NIBAN1: variants seen among roughly 807,000 people sequenced by gnomAD.
The protein encoded by NIBAN1 is niban apoptosis regulator 1.
A neutral mutation model predicts 75.1 loss-of-function variants in NIBAN1; 81 were observed. The ratio of observed to expected loss-of-function variants is 1.08; its 90% confidence interval spans 0.90 to 1.30. NIBAN1 has a LOEUF of 1.30. NIBAN1 is among the 50% of genes most tolerant of loss of function. The pLI is 0.00. For missense variants in NIBAN1, 1,133 were observed against 1,128.1 expected, an observed-to-expected ratio of 1.00 and a Z score of -0.06; for synonymous variants, 436 against 424.8, an observed-to-expected ratio of 1.03 and a Z score of -0.32.
intron 2 of NIBAN1, among the ~76,000 whole-genome samples, chr1:184,898,093 T>G (rs1031734704): frequency 6.6e-6 from 1 of 152,206 alleles, no homozygotes; most frequent in Non-Finnish European, 1.5e-5. Context: ...CAGGTTGACA[T>G]GATGTGCTCC....
chr1:184,860,271 C>T (rs1208822392), intron 5 of NIBAN1, among the ~76,000 whole-genome samples: 1 of 36,728 alleles, frequency 2.7e-5, no homozygotes, highest in Admixed American at 4.1e-4. Context: ...AGCACTGCGG[C>T]GGGGGCGGGG....
intron 1 of NIBAN1, among the ~76,000 whole-genome samples, chr1:184,951,404 A>G (rs2174724): frequency 0.51 from 77,177 of 151,960 alleles, 20,515 homozygotes; most frequent in Non-Finnish European, 0.59. Context: ...CCAAAAGTGA[A>G]CTCTTCATTT....
Position 184,884,215 on chromosome 1 carries a change from C to CTTT in NIBAN1, c.601+415_601+417dup, listed in dbSNP as rs11334000. ...TCCCTGGGCAGCACCATCTGTGGCT[C>CTTT]TTTTTTTTTTTTTTTTTTTTTTTTT... On this transcript the variant is annotated intron_variant, in intron 5 of 13. Transcript: ENST00000367511. Among the ~76,000 whole-genome samples, 12 of 66,802 alleles carry CTTT rather than the reference C, an allele frequency of 1.8e-4. 1 individual carries two copies. Among genetic ancestry groups the CTTT allele is most frequent in the Non-Finnish European group, 2.8e-4 (11 of 38,810 alleles). The allele number at this position is 66,802 out of a possible 152,430, so 43.8% of individuals were successfully genotyped here.
intron 2 of NIBAN1, among the ~76,000 whole-genome samples, chr1:184,896,148 A>C (rs928743255): frequency 1.3e-5 from 2 of 152,180 alleles, no homozygotes; most frequent in African/African-American, 4.8e-5. Flanking sequence ...TATTTTCCGT[A>C]GGGGTTGAAC....
intron 5 of NIBAN1, among the ~76,000 whole-genome samples, chr1:184,835,751 A>G (rs1571505070): frequency 6.6e-6 from 1 of 152,182 alleles, no homozygotes; most frequent in Admixed American, 6.5e-5. Context: ...GGGCTGAGAC[A>G]ATGGGGTTTT....
At chr1:184,954,595 AAG>A (rs917336202) in intron 1 of NIBAN1, among the ~76,000 whole-genome samples, 8 of 152,142 alleles carry the variant, frequency 5.3e-5, no homozygotes, top group Non-Finnish European at 1.0e-4. Context: ...AATTATACTT[AAG>A]TTTTAAGTCT....
At chr1:184,934,341 C>A (rs927423802) in intron 1 of NIBAN1, among the ~76,000 whole-genome samples, 1 of 152,090 alleles carries the variant, frequency 6.6e-6, no homozygotes, top group Non-Finnish European at 1.5e-5. Context: ...GGGAGGAGGG[C>A]AAGTGTTAAA....
At chr1:184,883,646 C>T (rs908229284) in intron 5 of NIBAN1, among the ~76,000 whole-genome samples, 1 of 152,218 alleles carries the variant, frequency 6.6e-6, no homozygotes, top group Non-Finnish European at 1.5e-5. Flanking sequence ...AGCAACACCA[C>T]CCCAAGGGTG....
At chr1:184,842,409 T>G (rs1485217056) in intron 5 of NIBAN1, among the ~76,000 whole-genome samples, 2 of 152,224 alleles carry the variant, frequency 1.3e-5, no homozygotes, top group African/African-American at 4.8e-5. Flanking sequence ...GAACACACTT[T>G]GAGAACCACT....
intron 12 of NIBAN1, among the ~76,000 whole-genome samples, chr1:184,798,562 C>T (rs1226999369): frequency 6.6e-6 from 1 of 152,078 alleles, no homozygotes; most frequent in Non-Finnish European, 1.5e-5. Flanking sequence ...AGGTTTGGAG[C>T]CTCCTTTTTT....
chr1:184,957,841 T>C (rs2102073025), intron 1 of NIBAN1, among the ~76,000 whole-genome samples: 1 of 152,178 alleles, frequency 6.6e-6, no homozygotes, highest in East Asian at 1.9e-4. Context: ...AAGCTCCATT[T>C]ATTTATTTTT....
intron 1 of NIBAN1, among the ~76,000 whole-genome samples, chr1:184,944,488 A>G (rs1207558019): frequency 1.3e-5 from 2 of 152,240 alleles, no homozygotes; most frequent in Non-Finnish European, 2.9e-5. Flanking sequence ...ACAGCTAACT[A>G]TGAAGAGGTA....
chr1:184,928,655 C>T (rs1024508298), intron 1 of NIBAN1, among the ~76,000 whole-genome samples: 2 of 152,128 alleles, frequency 1.3e-5, no homozygotes, highest in Non-Finnish European at 2.9e-5. Flanking sequence ...CTCCCTCCCC[C>T]AAGCATACAG....
chr1:184,798,692 T>C (rs1653945265), intron 12 of NIBAN1, among the ~76,000 whole-genome samples: 2 of 152,192 alleles, frequency 1.3e-5, no homozygotes, highest in South Asian at 4.1e-4. Context: ...TTTAAATATG[T>C]AAATATACTT....
chr1:184,803,750 A>G (rs1173538127), intron 11 of NIBAN1, 58 bp from the exon 12 acceptor site: 28 of 1,476,160 alleles, frequency 1.9e-5, no homozygotes, highest in Non-Finnish European at 2.6e-5. Context: ...ACTTATGTTT[A>G]CTCAAAAAAC....
At chr1:184,879,750 G>C (rs1338776627) in intron 5 of NIBAN1, among the ~76,000 whole-genome samples, 1 of 152,148 alleles carries the variant, frequency 6.6e-6, no homozygotes, top group Non-Finnish European at 1.5e-5. Flanking sequence ...GATTTCTGGG[G>C]TAAGAGCTTA....
At chr1:184,804,520 T>A (rs1033715978) in intron 11 of NIBAN1, among the ~76,000 whole-genome samples, 1 of 152,134 alleles carries the variant, frequency 6.6e-6, no homozygotes, top group Non-Finnish European at 1.5e-5. Context: ...AGGTAGAAAG[T>A]ATCCTGCCAG....
chr1:184,876,650 CA>C (rs1269602094), intron 5 of NIBAN1, among the ~76,000 whole-genome samples: 4 of 149,664 alleles, frequency 2.7e-5, no homozygotes, highest in African/African-American at 7.4e-5. Flanking sequence ...GCAGTGCGCC[CA>C]GATAGCACCA....
intron 5 of NIBAN1, among the ~76,000 whole-genome samples, chr1:184,864,972 A>G (rs1210363872): frequency 6.6e-6 from 1 of 151,586 alleles, no homozygotes; most frequent in Admixed American, 6.6e-5. Flanking sequence ...CTGAAACAAT[A>G]TAAAACTAAA....
Sources: gnomAD v4.1 joint callset for allele counts (sites outside exome capture counted in the v4.1 genomes callset) on GRCh38, gnomAD v4.1.1 for gene constraint, MANE v1.5 for transcripts, NCBI Gene and HGNC (gene_info 2026-07-23, HGNC 2026-07-21) for gene names.